The following SP8 variants were observed in gnomAD, a reference collection of about 807,000 sequenced individuals.
The protein encoded by SP8 is transcription factor Sp8.
A neutral mutation model predicts 15.3 loss-of-function variants in SP8; 7 were observed. The ratio of observed to expected loss-of-function variants is 0.46; its 90% CI spans 0.26 to 0.86. SP8 has a LOEUF of 0.86. SP8 is among the 40% of genes least tolerant of loss of function. The pLI is 0.16. For synonymous variants in SP8, 415 were observed against 356.3 expected, an observed-to-expected ratio of 1.16 and a Z score of -1.86; for missense variants, 731 against 736.4, an observed-to-expected ratio of 0.99 and a Z score of 0.09.
chr7:20,784,232 G>A lies in SP8; in HGVS notation c.*58C>T. 1.5e-6 allele frequency: 2 copies of A among 1,367,152 alleles called. No homozygotes were observed. Among genetic ancestry groups the A allele is most frequent in the Non-Finnish European group, 1.9e-6 (2 of 1,054,670 alleles). 84.7% of individuals were successfully genotyped at this position (1,367,152 alleles called of 1,614,324 possible). On this transcript the variant is annotated 3_prime_UTR_variant, in exon 2 of 2. Coordinates refer to ENST00000418710, the MANE Select transcript of SP8 (RefSeq NM_182700.6). ...GCTGGAGTTGAAGTCCGGACAGACA[G>A]GGCCCAAGAGGACTTGGTGGGAGGA...
In SP8 at chr7:20,785,515, A is replaced by G; in HGVS notation, c.302T>C (p.Val101Ala). The change falls in exon 2 of 2, where the codon GTG becomes GCG. Residue 101 changes from valine (V) to alanine (A), a missense_variant. By Grantham distance (64) the Val-to-Ala change is moderately conservative (BLOSUM62 0). Transcript: ENST00000418710. This position sits in a 1 kb window ranked among gnomAD's most constrained non-coding sequence, Gnocchi z 7.2. ...AAAAAAAAALVSDSFSCGGSP... is the reference protein window; with the variant it reads ...AAAAAAAAALASDSFSCGGSP... ...GCCGCCGCAGCTGAACGAGTCGGAC[A>G]CCAGGGCCGCGGCAGCCGCGGCTGC... The G allele has an allele frequency of 6.9e-7, 1 of 1,456,362 alleles. No homozygotes were observed. Among genetic ancestry groups the G allele is most frequent in the Non-Finnish European group, 9.0e-7 (1 of 1,113,972 alleles). 90.2% of individuals were successfully genotyped at this position (1,456,362 alleles called of 1,614,324 possible).
rs1005793188 is a variant in SP8, at chr7:20,783,241, T to C, written c.*1049A>G. 3.9e-5 allele frequency: 6 copies of C among 152,572 alleles called. No homozygotes were observed. Among genetic ancestry groups the C allele is most frequent in the African/African-American group, 9.7e-5 (4 of 41,412 alleles). 9.5% of individuals were successfully genotyped at this position (152,572 alleles called of 1,614,324 possible). A position where few individuals can be genotyped will look rare whatever the true frequency, so the allele number is the denominator to read the frequency against. On this transcript the variant is annotated 3_prime_UTR_variant, in exon 2 of 2. Transcript: ENST00000418710. The stretch of plus-strand genomic sequence containing the variant: ...AACAAAAAAGATTGGGAGGTTATGT[T>C]TGGGAGTGGTGAAAAAACGAGGTAG...
Position 20,786,370 on chromosome 7 carries a change from A to G in SP8, c.21+408T>C, listed in dbSNP as rs1374050864. Among the ~76,000 whole-genome samples the G allele has an allele frequency of 2.0e-5, 3 of 152,264 alleles. No homozygotes were observed. The East Asian group carries it at 5.8e-4, about 29-fold the overall frequency. On this transcript the variant is annotated intron_variant, in intron 1 of 1. Transcript: ENST00000418710. This position sits in a 1 kb window ranked among gnomAD's most constrained non-coding sequence, Gnocchi z 4.4. ...AAGCATATCTACAGTAGTAAAAACG[A>G]GACGAGTTCAACGTACCTGCGAGAC...
Position 20,784,505 on chromosome 7 carries a change from C to T in SP8, c.1312G>A (p.Val438Ile), listed in dbSNP as rs538728047. 1.9e-5 allele frequency: 29 copies of T among 1,562,416 alleles called. No individual in the cohort carries two copies. In the East Asian group the frequency reaches 4.1e-4, roughly 22 times the overall value. ...CTGCGCATGAAGCGCTTGTTGCAAA[C>T]TGGACAGGCGAAGCGCTTCTCGCCG... Reference protein sequence around the residue: ...HTGEKRFACPVCNKRFMRSDH... With the variant: ...HTGEKRFACPICNKRFMRSDH... The change falls in exon 2 of 2, where the codon GTT (valine) becomes ATT (isoleucine). Residue 438 changes from valine to isoleucine, a missense_variant. Val to Ile is a conservative substitution (Grantham distance 29). This residue lies in a region of SP8 where 114 missense variants were observed against 111.9 expected (regional missense o/e 1.02). Coordinates refer to ENST00000418710, the MANE Select transcript of SP8 (RefSeq NM_182700.6).
Position 20,783,448 on chromosome 7 carries a change from A to C in SP8, c.*842T>G, listed in dbSNP as rs550775122. On this transcript the variant is annotated 3_prime_UTR_variant, in exon 2 of 2. Coordinates refer to ENST00000418710, the MANE Select transcript of SP8 (RefSeq NM_182700.6). ...AGATTGCTCCCCGTTAGAGGAAAAA[A>C]CTATTATAGAAGGGAAACCAAATGG... is the stretch of plus-strand genomic sequence containing the variant. The C allele has an allele frequency of 2.6e-5, 4 of 152,296 alleles. No homozygotes were observed. Among genetic ancestry groups the C allele is most frequent in the Admixed American group, 6.6e-5 (1 of 15,256 alleles). The allele number at this position is 152,296 out of a possible 1,614,324, so 9.4% of individuals were successfully genotyped here. A position where few individuals can be genotyped will look rare whatever the true frequency, so the allele number is the denominator to read the frequency against.
In SP8 at chr7:20,782,771, C is replaced by T. The variant is rs1783534338; in HGVS notation, c.*1519G>A. 3.3e-5 allele frequency: 5 copies of T among 152,652 alleles called. No homozygotes were observed. In the South Asian group the frequency reaches 1.0e-3, roughly 32 times the overall value. The allele number at this position is 152,652 out of a possible 1,614,324, so 9.5% of individuals were successfully genotyped here. ...CCGAAAGTGCGTTTGTGGCTCTGCA[C>T]CTCCAGAAGTGAGTTCAAAAAACCT... On this transcript the variant is annotated 3_prime_UTR_variant, in exon 2 of 2. Transcript: ENST00000418710.
At position 20,785,519 on chromosome 7, in the gene SP8, GGGCCGCGGCAGCCGCGGCTGC is replaced by G; in HGVS notation, c.277_297del (p.Ala93_Ala99del). 6.9e-7 allele frequency: 1 copy of G among 1,459,560 alleles called. No homozygotes were observed. Among genetic ancestry groups the G allele is most frequent in the Admixed American group, 2.9e-5 (1 of 34,474 alleles). The allele number at this position is 1,459,560 out of a possible 1,614,324, so 90.4% of individuals were successfully genotyped here. A position where few individuals can be genotyped will look rare whatever the true frequency, so the allele number is the denominator to read the frequency against. On this transcript the variant is annotated inframe_deletion, in exon 2 of 2. Transcript: ENST00000418710. This position sits in a 1 kb window ranked among gnomAD's most constrained non-coding sequence, Gnocchi z 7.2. ...CCGCAGCTGAACGAGTCGGACACCA[GGGCCGCGGCAGCCGCGGCTGC>G]TGCCGCGGCCGCCGCAGCCGCCGAG... is the stretch of plus-strand genomic sequence containing the variant.
Position 20,786,023 on chromosome 7 carries a change from G to A in SP8, c.22-228C>T, listed in dbSNP as rs1783669385. The A allele has an allele frequency of 7.1e-7, 1 of 1,400,150 alleles. No homozygotes were observed. Among genetic ancestry groups the A allele is most frequent in the Admixed American group, 2.9e-5 (1 of 34,260 alleles). The allele number at this position is 1,400,150 out of a possible 1,614,324, so 86.7% of individuals were successfully genotyped here. ...GGGACAAGTTTGGCTGCCGGCGTCT[G>A]ATTCGGGAGCAAGCACCACGCTAAA... On this transcript the variant is annotated intron_variant, in intron 1 of 1. Coordinates refer to ENST00000418710, the MANE Select transcript of SP8 (RefSeq NM_182700.6). The surrounding 1 kb of genome is among the most constrained non-coding windows in gnomAD (Gnocchi z 4.4).
At position 20,784,789 on chromosome 7, in the gene SP8, C is replaced by T; in HGVS notation, c.1028G>A (p.Arg343His). 2 of 1,538,782 alleles carry T rather than the reference C, an allele frequency of 1.3e-6. No individual in the cohort carries two copies. The highest frequency in any genetic ancestry group is 1.7e-6 in the Non-Finnish European group (2 of 1,149,118). ...GTCGCAGGTGGCGCGGCCGGAGTAG[C>T]GGCGAGCTGAGGAGCGCGGGGAGCC... Reference protein sequence around the residue: ...LGGSPRSSARRYSGRATCDCP... With the variant: ...LGGSPRSSARHYSGRATCDCP... The change falls in exon 2 of 2, where the codon CGC becomes CAC. Residue 343 changes from arginine to histidine, a missense_variant. Coordinates refer to ENST00000418710, the MANE Select transcript of SP8 (RefSeq NM_182700.6).
Position 20,786,833 on chromosome 7 carries a change from T to G in SP8, c.-35A>C, listed in dbSNP as rs34863300. On this transcript the variant is annotated 5_prime_UTR_variant, in exon 1 of 2. Transcript: ENST00000418710. This position sits in a 1 kb window ranked among gnomAD's most constrained non-coding sequence, Gnocchi z 4.4. The stretch of plus-strand genomic sequence containing the variant: ...GTGCCCTCCTCCTCTCAGAGGATCT[T>G]TTTTATATTGATAAATCAGAGGCAG... The G allele has an allele frequency of 0.31, 486,608 of 1,569,916 alleles. 79,041 individuals are homozygous for G. The highest frequency in any genetic ancestry group is 0.47 in the Admixed American group (28,051 of 59,948).
rs770885686 is a variant in SP8, at chr7:20,784,885, T to G, written c.932A>C (p.Asp311Ala). 1.3e-6 allele frequency: 2 copies of G among 1,528,996 alleles called. No homozygotes were observed. Among genetic ancestry groups the G allele is most frequent in the Non-Finnish European group, 8.7e-7 (1 of 1,144,352 alleles). 94.7% of individuals were successfully genotyped at this position (1,528,996 alleles called of 1,614,324 possible). Residue 311 changes from aspartate (D) to alanine (A), a missense_variant, in exon 2 of 2, where the codon GAC becomes GCC. Coordinates refer to ENST00000418710, the MANE Select transcript of SP8 (RefSeq NM_182700.6). Reference sequence around the variant, plus strand: ...GCCGGCCAGCGGCGACGGGGCCGAGTCCGGGTAGGAGCCGGGTAGCACTGG... The same window carrying G: ...GCCGGCCAGCGGCGACGGGGCCGAGGCCGGGTAGGAGCCGGGTAGCACTGG... ...FKPVLPGSYPDSAPSPLAGAG... is the reference protein window; with the variant it reads ...FKPVLPGSYPASAPSPLAGAG...
Position 20,785,334 on chromosome 7 carries a change from G to A in SP8, c.483C>T (p.Gly161=). ...VSGGSGGGGG[G]GGGGSSAHSQ... The stretch of plus-strand genomic sequence containing the variant: ...AGTGCGCGGAGGAGCCGCCGCCGCC[G>A]CCCCCGCCGCCGCCGCCGCTGCCCC... The change falls in exon 2 of 2, where the codon GGC becomes GGT. Residue 161 remains glycine (G), a synonymous_variant. Coordinates refer to ENST00000418710, the MANE Select transcript of SP8 (RefSeq NM_182700.6). This position sits in a 1 kb window ranked among gnomAD's most constrained non-coding sequence, Gnocchi z 7.2. The A allele has an allele frequency of 2.3e-6, 3 of 1,324,664 alleles. No individual in the cohort carries two copies. The highest frequency in any genetic ancestry group is 2.6e-5 in the Admixed American group (1 of 39,006). The allele number at this position is 1,324,664 out of a possible 1,614,324, so 82.1% of individuals were successfully genotyped here. A position where few individuals can be genotyped will look rare whatever the true frequency, so the allele number is the denominator to read the frequency against.
rs1358632609 is a variant in SP8, at chr7:20,785,546, C to G, written c.271G>C (p.Ala91Pro). 1 of 1,439,292 alleles carries G rather than the reference C, an allele frequency of 6.9e-7. No individual in the cohort carries two copies. Among genetic ancestry groups the G allele is most frequent in the South Asian group, 1.3e-5 (1 of 76,936 alleles). The allele number at this position is 1,439,292 out of a possible 1,614,324, so 89.2% of individuals were successfully genotyped here. The change falls in exon 2 of 2, where the codon GCG becomes CCG. Residue 91 changes from alanine (A) to proline (P), a missense_variant. Physicochemically the swap from Ala to Pro is conservative, Grantham distance 27 (BLOSUM62 -1). Coordinates refer to ENST00000418710, the MANE Select transcript of SP8 (RefSeq NM_182700.6). This position sits in a 1 kb window ranked among gnomAD's most constrained non-coding sequence, Gnocchi z 7.2. ...GGSSSAAAAA[A>P]AAAAAAAALV... ...GCCGCGGCAGCCGCGGCTGCTGCCG[C>G]GGCCGCCGCAGCCGCCGAGGACGAG...
chr7:20,785,285 C>T lies in SP8; in HGVS notation c.532G>A (p.Val178Met). The T allele has an allele frequency of 6.4e-7, 1 of 1,564,380 alleles. No individual in the cohort carries two copies. The highest frequency in any genetic ancestry group is 1.4e-5 in the African/African-American group (1 of 70,744). The change falls in exon 2 of 2, where the codon GTG becomes ATG. Residue 178 changes from valine (V) to methionine (M), a missense_variant. Val to Met is a conservative substitution (Grantham distance 21, BLOSUM62 1). Around this residue, in one of 3 missense-constraint regions of SP8, gnomAD observed 586 missense variants for 524.9 expected, o/e 1.12. Transcript: ENST00000418710. The surrounding 1 kb of genome is among the most constrained non-coding windows in gnomAD (Gnocchi z 7.2). ...GAGGTGTGCACCTTGGAGATGAACA[C>T]CGGCTGGTGGGAGCCGTCCTGCGAG... ...AHSQDGSHQP[V>M]FISKVHTSVD...
At position 20,785,023 on chromosome 7, in the gene SP8, G is replaced by A; in HGVS notation, c.794C>T (p.Pro265Leu). ...GTAATCCGAGTTGTAGCCTCCGAGC[G>A]GCGAGTGCAGCGAGGTTTGGAGCCC... is the stretch of plus-strand genomic sequence containing the variant. Reference protein sequence around the residue: ...AGGLQTSLHSPLGGYNSDYSG... With the variant: ...AGGLQTSLHSLLGGYNSDYSG... The change falls in exon 2 of 2, where the codon CCG (proline) becomes CTG (leucine). Residue 265 changes from proline (P) to leucine (L), a missense_variant. By Grantham distance (98) the Pro-to-Leu change is moderately conservative. Coordinates refer to ENST00000418710, the MANE Select transcript of SP8 (RefSeq NM_182700.6). This position sits in a 1 kb window ranked among gnomAD's most constrained non-coding sequence, Gnocchi z 7.2. 1 of 1,576,454 alleles carries A rather than the reference G, an allele frequency of 6.3e-7. No homozygotes were observed. The highest frequency in any genetic ancestry group is 8.6e-7 in the Non-Finnish European group (1 of 1,166,438).
In SP8 at chr7:20,785,873, C is replaced by G; in HGVS notation, c.22-78G>C. ...GTGGGGGAGGAAAGGAAGAAATGTG[C>G]ATCAGTCCTTCGGTAGCCTCCAAAG... On this transcript the variant is annotated intron_variant, in intron 1 of 1. Transcript: ENST00000418710. The surrounding 1 kb of genome is among the most constrained non-coding windows in gnomAD (Gnocchi z 7.2). The G allele has an allele frequency of 4.0e-6, 6 of 1,498,740 alleles. No individual in the cohort carries two copies. The highest frequency in any genetic ancestry group is 5.4e-6 in the Non-Finnish European group (6 of 1,105,370). The allele number at this position is 1,498,740 out of a possible 1,614,324, so 92.8% of individuals were successfully genotyped here. A position where few individuals can be genotyped will look rare whatever the true frequency, so the allele number is the denominator to read the frequency against.
chr7:20,786,879 A>C lies in SP8; in HGVS notation c.-81T>G, dbSNP rs1783692310. 8.7e-7 allele frequency: 1 copy of C among 1,147,222 alleles called. No homozygotes were observed. Among genetic ancestry groups the C allele is most frequent in the Non-Finnish European group, 1.3e-6 (1 of 753,516 alleles). 71.1% of individuals were successfully genotyped at this position (1,147,222 alleles called of 1,614,324 possible). ...GGCAGTGTTTTTTTTAGAGGTGTGC[A>C]ATACAATGATCAGTTCCGCCCATTC... On this transcript the variant is annotated 5_prime_UTR_variant, in exon 1 of 2. It adds an upstream start codon to the 5' untranslated region. Transcript: ENST00000418710. This position sits in a 1 kb window ranked among gnomAD's most constrained non-coding sequence, Gnocchi z 4.4.
Position 20,784,949 on chromosome 7 carries a change from G to A in SP8, c.868C>T (p.Leu290Phe). 6.4e-7 allele frequency: 1 copy of A among 1,559,530 alleles called. No individual in the cohort carries two copies. Among genetic ancestry groups the A allele is most frequent in the Non-Finnish European group, 8.6e-7 (1 of 1,159,694 alleles). ...ATGAGGTGCTGCCCGGCGGGGCTGA[G>A]CAGGTGCGAGGAGGCGCCGCTGCTG... ...AFSSGASSHL[L>F]SPAGQHLMDG... The change falls in exon 2 of 2, where the codon CTC (leucine) becomes TTC (phenylalanine). Residue 290 changes from leucine (L) to phenylalanine (F), a missense_variant. By Grantham distance (22) the Leu-to-Phe change is conservative. Around this residue, in one of 3 missense-constraint regions of SP8, gnomAD observed 586 missense variants for 524.9 expected, o/e 1.12. Transcript: ENST00000418710.
At position 20,784,641 on chromosome 7, in the gene SP8, C is replaced by T. The variant is rs1161126813; in HGVS notation, c.1176G>A (p.Lys392=). ...GKVYGKTSHL[K]AHLRWHTGER... is the part of the protein sequence containing the mutation. Reference sequence around the variant, plus strand: ...CGCCCGTGTGCCAGCGCAGGTGCGCCTTGAGGTGCGAAGTCTTGCCGTACA... The same window carrying T: ...CGCCCGTGTGCCAGCGCAGGTGCGCTTTGAGGTGCGAAGTCTTGCCGTACA... Residue 392 remains lysine (K), a synonymous_variant, in exon 2 of 2, where the codon AAG becomes AAA. Coordinates refer to ENST00000418710, the MANE Select transcript of SP8 (RefSeq NM_182700.6). The T allele has an allele frequency of 6.2e-7, 1 of 1,610,564 alleles. No individual in the cohort carries two copies. The highest frequency in any genetic ancestry group is 1.1e-5 in the South Asian group (1 of 90,770).
Sources: allele counts gnomAD v4.1 joint callset (sites outside exome capture counted in the v4.1 genomes callset), GRCh38; gene constraint gnomAD v4.1.1; regional missense constraint gnomAD v4.1.1; non-coding constraint Gnocchi (gnomAD v3.1); transcripts MANE v1.5; gene names NCBI Gene and HGNC (gene_info 2026-07-23, HGNC 2026-07-21).